FRAS1: variants seen among roughly 807,000 people sequenced by gnomAD.
FRAS1 encodes extracellular matrix organizing protein FRAS1.
FRAS1 carries 290 observed loss-of-function variants against 435.2 expected under a neutral mutation model. That is an observed-to-expected ratio of 0.67 (90% CI 0.61 to 0.73). FRAS1 has a LOEUF of 0.73. Among genes scored for constraint, FRAS1 ranks in the 30% least tolerant of loss-of-function variants. The probability of loss-of-function intolerance (pLI) is 0.00; values close to 1 mark genes in which losing one functional copy is unlikely to be tolerated. For missense variants in FRAS1, 4,860 were observed against 5,001.5 expected (o/e 0.97, Z 0.85); for synonymous variants, 1,800 against 1,851.0 (o/e 0.97, Z 0.71).
At chr4:78,276,333 T>C (rs2110170990) in intron 9 of FRAS1, among the ~76,000 whole-genome samples, 1 of 152,370 alleles carries the variant, frequency 6.6e-6, no homozygotes, top group Middle Eastern at 3.4e-3. Flanking sequence ...TCATTCTCAA[T>C]CCACCTTTGT....
At chr4:78,062,592 A>G (rs1050244979) in intron 1 of FRAS1, among the ~76,000 whole-genome samples, 6 of 152,156 alleles carry the variant, frequency 3.9e-5, no homozygotes, top group African/African-American at 1.2e-4. Context: ...CAGTTTACCA[A>G]CGGTTTCAGA....
chr4:78,483,503 T>C (rs1394108952), intron 58 of FRAS1, among the ~76,000 whole-genome samples: 2 of 151,908 alleles, frequency 1.3e-5, no homozygotes, highest in Non-Finnish European at 1.5e-5. Flanking sequence ...AGATTGGCCA[T>C]AGAGCCCATG....
At chr4:78,312,198 A>ATATATATATATATATATATATATATATG in intron 15 of FRAS1, among the ~76,000 whole-genome samples, 1 of 148,438 alleles carries the variant, frequency 6.7e-6, no homozygotes, top group Admixed American at 6.7e-5. Flanking sequence ...ATATATATAT[A>ATATATATATATATATATATATATATATG]TGGGTTTAAG....
At chr4:78,291,349 T>G (rs1727888348) in intron 14 of FRAS1, among the ~76,000 whole-genome samples, 1 of 152,142 alleles carries the variant, frequency 6.6e-6, no homozygotes, top group East Asian at 1.9e-4. Context: ...TAGATTCTCA[T>G]AAGCAGCTGC....
At chr4:78,288,195 T>G (rs1727705251) in intron 14 of FRAS1, among the ~76,000 whole-genome samples, 1 of 152,242 alleles carries the variant, frequency 6.6e-6, no homozygotes, top group Non-Finnish European at 1.5e-5. Context: ...TACAAATACC[T>G]TTATAAGTGT....
chr4:78,453,883 G>A (rs2645143), intron 47 of FRAS1, among the ~76,000 whole-genome samples: 110,453 of 151,960 alleles, frequency 0.73, 40,459 homozygotes, highest in African/African-American at 0.75. Context: ...TTAGAGCTTC[G>A]TGGATTCTTT....
In FRAS1 at chr4:78,447,630, C is replaced by CT. The variant is rs1337805281; in HGVS notation, c.6011-422dup. On this transcript the variant is annotated intron_variant, in intron 43 of 73. Coordinates refer to ENST00000512123, the MANE Select transcript of FRAS1 (RefSeq NM_025074.7). ...TTCAATCTAAAGATGCTTAGTGTCTCTCTTAATTGAAAAGGAATTTAAAGC... is the reference window on the plus strand; with the variant it reads ...TTCAATCTAAAGATGCTTAGTGTCTCTTCTTAATTGAAAAGGAATTTAAAGC... Among the ~76,000 whole-genome samples the CT allele has an allele frequency of 3.9e-5, 6 of 152,116 alleles. No individual in the cohort carries two copies. The East Asian group carries it at 1.2e-3, about 29-fold the overall frequency.
intron 30 of FRAS1, among the ~76,000 whole-genome samples, chr4:78,402,811 T>C (rs1200711724): frequency 6.6e-6 from 1 of 152,186 alleles, no homozygotes; most frequent in Non-Finnish European, 1.5e-5. Context: ...TCCGTCTTTG[T>C]CTTTTATGAC....
intron 2 of FRAS1, among the ~76,000 whole-genome samples, chr4:78,203,861 C>T (rs1481555124): frequency 6.6e-6 from 1 of 152,224 alleles, no homozygotes; most frequent in Non-Finnish European, 1.5e-5. Context: ...AGCCACCACA[C>T]CTGGCCTCCT....
intron 26 of FRAS1, among the ~76,000 whole-genome samples, chr4:78,379,016 A>G (rs1731897268): frequency 6.6e-6 from 1 of 152,148 alleles, no homozygotes; most frequent in South Asian, 2.1e-4. Context: ...TTGAAGTCCT[A>G]TGCTCTTGCC....
chr4:78,396,066 T>C (rs1448428953), intron 29 of FRAS1, among the ~76,000 whole-genome samples: 1 of 152,116 alleles, frequency 6.6e-6, no homozygotes, highest in East Asian at 1.9e-4. Context: ...ACATAAAATA[T>C]CTTATAATGG....
At chr4:78,100,846 G>A (rs764663985) in intron 2 of FRAS1, among the ~76,000 whole-genome samples, 2 of 152,166 alleles carry the variant, frequency 1.3e-5, no homozygotes, top group South Asian at 4.1e-4. Flanking sequence ...TGAGGCTAAG[G>A]CAATTTCCTG....
At chr4:78,149,360 T>C (rs1478688497) in intron 2 of FRAS1, among the ~76,000 whole-genome samples, 1 of 152,182 alleles carries the variant, frequency 6.6e-6, no homozygotes, top group African/African-American at 2.4e-5. Context: ...GGTTGTATTA[T>C]AAAAATTATT....
chr4:78,395,177 G>A (rs148040075), intron 29 of FRAS1, among the ~76,000 whole-genome samples: 26 of 151,932 alleles, frequency 1.7e-4, no homozygotes, highest in Non-Finnish European at 3.4e-4. Context: ...GATACATTTT[G>A]TTTCTTTCTG....
At chr4:78,272,062 C>A (rs970955317) in intron 9 of FRAS1, among the ~76,000 whole-genome samples, 29 of 152,190 alleles carry the variant, frequency 1.9e-4, no homozygotes, top group African/African-American at 7.0e-4. Flanking sequence ...TCTCTGATGA[C>A]CAGTGACGAT....
At chr4:78,120,622 C>T (rs1718955971) in intron 2 of FRAS1, among the ~76,000 whole-genome samples, 1 of 152,116 alleles carries the variant, frequency 6.6e-6, no homozygotes, top group Admixed American at 6.6e-5. Flanking sequence ...CAGTCTTGTT[C>T]AAGAGGAGGC....
At chr4:78,319,705 A>G (rs1219139424) in intron 18 of FRAS1, 1 of 236,818 alleles carries the variant, frequency 4.2e-6, no homozygotes, top group Non-Finnish European at 8.6e-6. Flanking sequence ...GTCTTTTTTC[A>G]TATTCATAGC....
Position 78,364,045 on chromosome 4 carries a change from G to C in FRAS1, c.2713G>C (p.Val905Leu), listed in dbSNP as rs745528563. 2.5e-6 allele frequency: 4 copies of C among 1,583,854 alleles called. No individual in the cohort carries two copies. The African/African-American group carries it at 5.4e-5, about 21-fold the overall frequency. ...TGGGCACTATCTTGATGACAATCAT[G>C]TTTGCCAGCGTAGGTTTTTCCAATG... ...FPGHYLDDNH[V>L]CQPCNTHCGS... The change falls in exon 22 of 74, where the codon GTT becomes CTT. Residue 905 changes from valine to leucine, a missense_variant. By Grantham distance (32) the Val-to-Leu change is conservative (BLOSUM62 1). Transcript: ENST00000512123.
At position 78,387,507 on chromosome 4, in the gene FRAS1, C is replaced by A. The variant is rs1732263585; in HGVS notation, c.3781C>A (p.Leu1261Ile). 11 of 1,613,718 alleles carry A rather than the reference C, an allele frequency of 6.8e-6. No individual in the cohort carries two copies. The East Asian group carries it at 2.5e-4, about 36-fold the overall frequency. ...GGTCATTGAAATAATCGATCCTCCA[C>A]TTCATGGCCAATTGCTTCAGACACT... The part of the protein sequence containing the change: ...DVVIEIIDPP[L>I]HGQLLQTLQS... Residue 1261 changes from leucine to isoleucine, a missense_variant, in exon 29 of 74, where the codon CTT becomes ATT. Leu to Ile is a conservative substitution (Grantham distance 5, BLOSUM62 2). Transcript: ENST00000512123.
Sources: gnomAD v4.1 joint callset for allele counts (sites outside exome capture counted in the v4.1 genomes callset) on GRCh38, gnomAD v4.1.1 for gene constraint, MANE v1.5 for transcripts, NCBI Gene and HGNC (gene_info 2026-07-23, HGNC 2026-07-21) for gene names.